ANO1: variants seen among roughly 807,000 people sequenced by gnomAD.
The protein encoded by ANO1 is anoctamin 1.
In ANO1, 59 loss-of-function variants were observed where a neutral mutation model predicts 124.0. The observed-to-expected ratio is 0.48, with a 90% CI of 0.39 to 0.59. The LOEUF (loss-of-function observed/expected upper bound fraction) is 0.59. Among genes scored for constraint, ANO1 ranks in the 20% least tolerant of loss-of-function variants. ANO1 has a pLI of 0.00. For synonymous variants in ANO1, 529 were observed against 532.0 expected, an observed-to-expected ratio of 0.99 and a Z score of 0.08; for missense variants, 1,059 against 1,328.0, an observed-to-expected ratio of 0.80 and a Z score of 3.15.
intron 22 of ANO1, among the ~76,000 whole-genome samples, chr11:70,175,404 C>T (rs1451155626): frequency 6.6e-6 from 1 of 152,240 alleles, no homozygotes; most frequent in Non-Finnish European, 1.5e-5. Context: ...GTGCAGGGCC[C>T]CCAGGCGAGC....
chr11:70,040,731 G>A (rs1857169909), intron 1 of ANO1, among the ~76,000 whole-genome samples: 1 of 152,144 alleles, frequency 6.6e-6, no homozygotes, highest in African/African-American at 2.4e-5. Flanking sequence ...CCCGGTCGAA[G>A]GACACTGACT....
intron 2 of ANO1, among the ~76,000 whole-genome samples, chr11:70,095,525 C>T (rs2044913785): frequency 6.6e-6 from 1 of 152,226 alleles, no homozygotes; most frequent in Non-Finnish European, 1.5e-5. Flanking sequence ...CACAGCTCTG[C>T]CACAGGGCAT....
the ANO1 span, among the ~76,000 whole-genome samples, chr11:69,971,192 G>A: frequency 3.9e-5 from 6 of 152,204 alleles, no homozygotes; most frequent in South Asian, 1.2e-3. Flanking sequence ...GAGACCTGGG[G>A]TTTCACTTCT....
chr11:70,166,222 G>C (rs1274569792), intron 20 of ANO1, among the ~76,000 whole-genome samples: 1 of 152,190 alleles, frequency 6.6e-6, no homozygotes, highest in East Asian at 1.9e-4. Flanking sequence ...GGAGGCTGAG[G>C]CAGGAGAACC....
At position 70,132,861 on chromosome 11, in the gene ANO1, G is replaced by A. The variant is rs118118065; in HGVS notation, c.1258+782G>A. ...AGCCATCTCCCAGGCCTGGCCCCAC[G>A]CCGGGCACTTAAGCCCCCATCCTTA... On this transcript the variant is annotated intron_variant, in intron 11 of 25. Transcript: ENST00000355303. Among the ~76,000 whole-genome samples, 21 of 152,342 alleles carry A rather than the reference G, an allele frequency of 1.4e-4. No homozygotes were observed. In the East Asian group the frequency reaches 2.9e-3, roughly 21 times the overall value.
chr11:70,078,720 T>G lies in ANO1; in HGVS notation c.108+6T>G. 6.8e-7 allele frequency: 1 copy of G among 1,465,990 alleles called. No individual in the cohort carries two copies. The highest frequency in any genetic ancestry group is 9.1e-7 in the Non-Finnish European group (1 of 1,095,444). 90.8% of individuals were successfully genotyped at this position (1,465,990 alleles called of 1,614,324 possible). A position where few individuals can be genotyped will look rare whatever the true frequency, so the allele number is the denominator to read the frequency against. On this transcript the variant is annotated splice_donor_region_variant and intron_variant, in intron 1 of 25. Transcript: ENST00000355303. The stretch of plus-strand genomic sequence containing the variant: ...ACCTGCCGTCCGAGGGCACGGTGAG[T>G]GCGGGCGGCCGCGACCCGGGCGGGA...
the ANO1 span, among the ~76,000 whole-genome samples, chr11:69,970,772 TC>T: frequency 6.6e-6 from 1 of 152,168 alleles, no homozygotes. Flanking sequence ...CATTCCAGGA[TC>T]CCAAGGCTGG....
rs149695206 is a variant in ANO1, at chr11:70,112,703, G to A, written c.855+941G>A. Among the ~76,000 whole-genome samples the A allele has an allele frequency of 5.1e-4, 77 of 152,070 alleles. No homozygotes were observed. The East Asian group carries it at 6.2e-3, about 12-fold the overall frequency. On this transcript the variant is annotated intron_variant, in intron 7 of 25. Transcript: ENST00000355303. ...CTCCCAAGTAGCTGGGACTTCAGGCGTGCACCGCTACACCCAGCTAATTGT... is the reference window on the plus strand; with the variant it reads ...CTCCCAAGTAGCTGGGACTTCAGGCATGCACCGCTACACCCAGCTAATTGT...
chr11:70,033,144 C>T (rs747507355), intron 1 of ANO1, among the ~76,000 whole-genome samples: 3 of 152,058 alleles, frequency 2.0e-5, no homozygotes, highest in Non-Finnish European at 2.9e-5. Context: ...GGTCAGGCTC[C>T]GGGTTTGGGG....
chr11:70,037,483 G>A (rs1372911620), intron 1 of ANO1, among the ~76,000 whole-genome samples: 3 of 151,882 alleles, frequency 2.0e-5, no homozygotes, highest in East Asian at 1.9e-4. Flanking sequence ...GGAGACCATC[G>A]CGGGGCAGAG....
intron 1 of ANO1, among the ~76,000 whole-genome samples, chr11:70,007,276 T>TCTTC (rs1315663717): frequency 2.4e-5 from 3 of 124,846 alleles, no homozygotes; most frequent in East Asian, 2.3e-4. Context: ...TTTCTTTCTT[T>TCTTC]TTTTTTTTTT....
chr11:70,157,092 C>T (rs781200251), intron 16 of ANO1, 71 bp downstream of exon 16: 13 of 1,415,224 alleles, frequency 9.2e-6, no homozygotes, highest in East Asian at 2.4e-5. Context: ...TTCAGCCGGG[C>T]GTGGTGGTTC....
At chr11:70,161,571 T>A (rs1590889815) in intron 17 of ANO1, 51 bp from the exon 18 acceptor site, 1 of 1,586,770 alleles carries the variant, frequency 6.3e-7, no homozygotes, top group Admixed American at 1.7e-5. Context: ...GACCAGGCTG[T>A]TGGGGGCCAT....
At chr11:70,103,271 A>G (rs2045350792) in intron 3 of ANO1, 107 bp downstream of exon 3, 1 of 903,988 alleles carries the variant, frequency 1.1e-6, no homozygotes, top group Non-Finnish European at 1.7e-6. Flanking sequence ...TTATAAAAAA[A>G]AAACCCAGTG....
chr11:69,976,670 G>T, the ANO1 span, among the ~76,000 whole-genome samples: 2 of 151,786 alleles, frequency 1.3e-5, no homozygotes, highest in Middle Eastern at 3.2e-3. Flanking sequence ...GGAGGAACCA[G>T]CCCTGCGACG....
At chr11:70,137,158 G>A (rs1334853995) in intron 11 of ANO1, among the ~76,000 whole-genome samples, 2 of 147,334 alleles carry the variant, frequency 1.4e-5, no homozygotes, top group Non-Finnish European at 3.0e-5. Flanking sequence ...AATTATAAAT[G>A]TAGGGTCAGC....
chr11:69,974,621 C>G, the ANO1 span, among the ~76,000 whole-genome samples: 1 of 152,192 alleles, frequency 6.6e-6, no homozygotes, highest in Non-Finnish European at 1.5e-5. Context: ...CTGTGGATGA[C>G]CTGGAGCCCT....
intron 25 of ANO1, 41 bp from the exon 26 acceptor site, chr11:70,187,697 G>A: frequency 6.4e-7 from 1 of 1,574,768 alleles, no homozygotes; most frequent in Non-Finnish European, 8.6e-7. Flanking sequence ...ACTTCCCCAG[G>A]CGCCATCCTC....
At chr11:70,026,420 G>T (rs1286094552) in intron 1 of ANO1, among the ~76,000 whole-genome samples, 2 of 145,330 alleles carry the variant, frequency 1.4e-5, no homozygotes, top group African/African-American at 5.1e-5. Context: ...GATGACAACA[G>T]TAATAATGAT....
Sources: gnomAD v4.1 joint callset for allele counts (sites outside exome capture counted in the v4.1 genomes callset) on GRCh38, gnomAD v4.1.1 for gene constraint, MANE v1.5 for transcripts, NCBI Gene and HGNC (gene_info 2026-07-23, HGNC 2026-07-21) for gene names.